The following HMG20A variants were observed in gnomAD, a reference collection of about 807,000 sequenced individuals.
The protein encoded by HMG20A is high mobility group 20A, also known as high mobility group protein 20A.
A neutral mutation model predicts 43.9 loss-of-function variants in HMG20A; 17 were observed. That is an observed-to-expected ratio of 0.39 (90% confidence interval 0.27 to 0.58). The LOEUF is 0.58. HMG20A is among the 20% of genes least tolerant of loss of function. The pLI is 0.59. For synonymous variants in HMG20A, 132 were observed against 147.5 expected (o/e 0.89, Z 0.76); for missense variants, 341 against 438.2 (o/e 0.78, Z 1.98).
At chr15:77,510,458 T>C in the HMG20A span, among the ~76,000 whole-genome samples, 1 of 152,220 alleles carries the variant, frequency 6.6e-6, no homozygotes, top group Admixed American at 6.5e-5. Context: ...GGCATTTGTA[T>C]TTGTAAAGCG....
intron 1 of HMG20A, among the ~76,000 whole-genome samples, chr15:77,449,109 A>C (rs1253549019): frequency 6.6e-6 from 1 of 151,966 alleles, no homozygotes; most frequent in African/African-American, 2.4e-5. Context: ...CTGGACTATC[A>C]ATTTTAGGTC....
At chr15:77,515,286 C>T in the HMG20A span, among the ~76,000 whole-genome samples, 1 of 152,086 alleles carries the variant, frequency 6.6e-6, no homozygotes, top group Non-Finnish European at 1.5e-5. Flanking sequence ...CAGCCGCCAG[C>T]TAAAGCTGAT....
intron 1 of HMG20A, among the ~76,000 whole-genome samples, chr15:77,436,619 C>G (rs1032388120): frequency 8.6e-5 from 13 of 151,816 alleles, no homozygotes; most frequent in Non-Finnish European, 1.8e-4. Flanking sequence ...CCACCATGCC[C>G]AGCTAATTTT....
At chr15:77,518,428 G>A in the HMG20A span, among the ~76,000 whole-genome samples, 1 of 152,058 alleles carries the variant, frequency 6.6e-6, no homozygotes, top group Non-Finnish European at 1.5e-5. Flanking sequence ...TTCACTCCAC[G>A]AACATGCCCC....
intron 7 of HMG20A, chr15:77,477,991 C>T (rs939930400): frequency 1.8e-5 from 9 of 494,016 alleles, no homozygotes; most frequent in Admixed American, 3.3e-5. Context: ...CTGCAAAACC[C>T]CTCAGGCTTC....
intron 1 of HMG20A, among the ~76,000 whole-genome samples, chr15:77,457,218 G>A (rs552402985): frequency 1.9e-4 from 29 of 152,244 alleles, no homozygotes; most frequent in African/African-American, 5.8e-4. Context: ...TCGTGTCATC[G>A]GCATTTTCTT....
chr15:77,427,488 T>G (rs2073438497), intron 1 of HMG20A, among the ~76,000 whole-genome samples: 1 of 152,192 alleles, frequency 6.6e-6, no homozygotes, highest in Admixed American at 6.5e-5. Flanking sequence ...AGGATGTTGT[T>G]TTCACCACGA....
chr15:77,477,114 T>C (rs1359493331), intron 6 of HMG20A, among the ~76,000 whole-genome samples: 2 of 152,336 alleles, frequency 1.3e-5, no homozygotes, highest in East Asian at 1.9e-4. Context: ...ATTCTTATTG[T>C]CCACTCTGCA....
At chr15:77,479,086 A>G (rs1174569597) in intron 8 of HMG20A, 93 bp from the exon 9 acceptor site, 70 of 1,198,172 alleles carry the variant, frequency 5.8e-5, no homozygotes, top group Non-Finnish European at 1.1e-5. Flanking sequence ...TCTGTGGAGC[A>G]GACCACATTA....
chr15:77,482,619 C>G (rs1363720415), intron 9 of HMG20A: 3 of 152,104 alleles, frequency 2.0e-5, no homozygotes, highest in Non-Finnish European at 4.4e-5. Flanking sequence ...TTTGATTGAC[C>G]ATACATTCTT....
chr15:77,449,015 C>CT (rs1423187733), intron 1 of HMG20A, among the ~76,000 whole-genome samples: 3 of 151,960 alleles, frequency 2.0e-5, no homozygotes, highest in Non-Finnish European at 2.9e-5. Flanking sequence ...AGCCACTGCA[C>CT]TTCAGCCTGG....
intron 5 of HMG20A, 113 bp downstream of exon 5, chr15:77,471,155 T>C (rs1202956544): frequency 9.7e-7 from 1 of 1,028,804 alleles, no homozygotes; most frequent in East Asian, 2.8e-5. Flanking sequence ...TTTTCTCCAC[T>C]ATCCAGTATT....
the HMG20A span, among the ~76,000 whole-genome samples, chr15:77,498,272 C>T: frequency 5.3e-5 from 8 of 152,156 alleles, no homozygotes; most frequent in African/African-American, 1.9e-4. Flanking sequence ...CTGGATTTTT[C>T]TCTTTGGAAG....
At chr15:77,515,938 G>A in the HMG20A span, among the ~76,000 whole-genome samples, 1 of 152,130 alleles carries the variant, frequency 6.6e-6, no homozygotes, top group Admixed American at 6.5e-5. Flanking sequence ...AGCCTGCAAG[G>A]GTCCCATGAC....
chr15:77,459,536 T>C lies in HMG20A; in HGVS notation c.89+1040T>C, dbSNP rs547046952. ...TAGGAAGGGTTTGGGGATGCAGTTTTAGACAGGATGGGCCAGAAAGTGTTT... is the reference window on the plus strand; with the variant it reads ...TAGGAAGGGTTTGGGGATGCAGTTTCAGACAGGATGGGCCAGAAAGTGTTT... On this transcript the variant is annotated intron_variant, in intron 2 of 9. Coordinates refer to ENST00000336216, the MANE Select transcript of HMG20A (RefSeq NM_001304504.2). 2.6e-5 allele frequency among the ~76,000 whole-genome samples: 4 copies of C among 152,298 alleles called. No individual in the cohort carries two copies. In the East Asian group the frequency reaches 7.7e-4, roughly 29 times the overall value.
intron 1 of HMG20A, among the ~76,000 whole-genome samples, chr15:77,443,791 A>C (rs1375560532): frequency 6.6e-6 from 1 of 151,990 alleles, no homozygotes; most frequent in Non-Finnish European, 1.5e-5. Context: ...CTGCAGCCTC[A>C]ACTTCCTGGG....
chr15:77,476,663 C>T (rs1164950053), intron 6 of HMG20A, among the ~76,000 whole-genome samples: 1 of 152,104 alleles, frequency 6.6e-6, no homozygotes, highest in Non-Finnish European at 1.5e-5. Flanking sequence ...TCATTTCTCA[C>T]TTCCTGCCAT....
At chr15:77,458,695 G>C in intron 2 of HMG20A, 199 bp downstream of exon 2, 1 of 422,208 alleles carries the variant, frequency 2.4e-6, no homozygotes, top group Non-Finnish European at 4.2e-6. Context: ...TCTGGTTTTT[G>C]TGAACTGGTA....
intron 6 of HMG20A, among the ~76,000 whole-genome samples, chr15:77,473,350 A>G (rs149223307): frequency 7.2e-5 from 11 of 152,232 alleles, no homozygotes; most frequent in Non-Finnish European, 1.0e-4. Context: ...AGACATTTGT[A>G]TAATTACTTC....
Sources: gnomAD v4.1 joint callset for allele counts (sites outside exome capture counted in the v4.1 genomes callset) on GRCh38, gnomAD v4.1.1 for gene constraint, MANE v1.5 for transcripts, NCBI Gene and HGNC (gene_info 2026-07-23, HGNC 2026-07-21) for gene names.